The following FAAH2 variants were observed in gnomAD, a reference collection of about 807,000 sequenced individuals.
FAAH2 encodes the protein fatty-acid amide hydrolase 2.
Under a neutral mutation model 36.9 loss-of-function variants are expected in FAAH2, and 60 were observed. The observed-to-expected ratio is 1.63, with a 90% confidence interval of 1.32 to 2.02. FAAH2 has a LOEUF of 2.02. FAAH2 is among the 30% of genes most tolerant of loss of function. FAAH2 has a pLI of 0.00. For missense variants in FAAH2, 689 were observed against 397.5 expected (o/e 1.73, Z -6.23); for synonymous variants, 214 against 143.8 (o/e 1.49, Z -3.49).
chrX:57,479,600 T>G (rs1233747514), intron 10 of FAAH2, among the ~76,000 whole-genome samples: 2 of 111,585 alleles, frequency 1.8e-5, no homozygotes, highest in African/African-American at 3.3e-5. Context: ...AGTTTTTGCC[T>G]ATTTAGTATA....
intron 3 of FAAH2, among the ~76,000 whole-genome samples, chrX:57,324,646 G>A (rs755265969): frequency 1.8e-5 from 2 of 111,784 alleles, no homozygotes; most frequent in East Asian, 5.6e-4. Context: ...CTGTTTTTCT[G>A]TTATTGGTGT....
chrX:57,293,561 G>A (rs376285990), intron 2 of FAAH2, among the ~76,000 whole-genome samples: 1 of 111,822 alleles, frequency 8.9e-6, no homozygotes, highest in East Asian at 2.8e-4. Context: ...GTTTCAGGAG[G>A]TCCTGACTTG....
rs768091862 is a variant in FAAH2, at chrX:57,393,264, G to A, written c.996+12235G>A. 656 of 1,161,203 alleles carry A rather than the reference G, an allele frequency of 5.6e-4. 1 individual carries two copies. The highest frequency in any genetic ancestry group is 6.3e-4 in the Non-Finnish European group (534 of 851,870). On this transcript the variant is annotated intron_variant, in intron 7 of 10. Coordinates refer to ENST00000374900, the MANE Select transcript of FAAH2 (RefSeq NM_174912.4). Reference sequence around the variant, plus strand: ...CTGAAGCCTTTTTCAACCAGCTCCAGGTTCTCCTCTATGTAAGCCTTGGGA... The same window carrying A: ...CTGAAGCCTTTTTCAACCAGCTCCAAGTTCTCCTCTATGTAAGCCTTGGGA...
At chrX:57,232,257 TG>T in the FAAH2 span, among the ~76,000 whole-genome samples, 1 of 90,282 alleles carries the variant, frequency 1.1e-5, no homozygotes, top group East Asian at 3.4e-4. Context: ...GTGTAGATCA[TG>T]AAGATTCCTG....
intron 10 of FAAH2, among the ~76,000 whole-genome samples, chrX:57,453,730 C>T (rs1022494213): frequency 4.5e-5 from 5 of 111,972 alleles, no homozygotes; most frequent in Non-Finnish European, 7.5e-5. Context: ...CTTCTTGAAC[C>T]CCCGGAAAGC....
At chrX:57,249,613 C>G in the FAAH2 span, among the ~76,000 whole-genome samples, 14 of 111,782 alleles carry the variant, frequency 1.3e-4, no homozygotes, top group Non-Finnish European at 1.9e-4. Flanking sequence ...GGTGAACTAC[C>G]CTGACCTTCT....
the FAAH2 span, among the ~76,000 whole-genome samples, chrX:57,171,482 A>G: frequency 3.6e-5 from 4 of 111,163 alleles, no homozygotes; most frequent in African/African-American, 1.3e-4. Flanking sequence ...TCTCATTTTC[A>G]TTTTAATTTT....
chrX:57,134,835 G>T, the FAAH2 span: 1 of 111,345 alleles, frequency 9.0e-6, no homozygotes, highest in Non-Finnish European at 1.9e-5. Flanking sequence ...GTTTCTGCTG[G>T]ACAAGTGTGT....
chrX:57,290,179 C>G, intron 1 of FAAH2: 2 of 614,495 alleles, frequency 3.3e-6, no homozygotes, highest in Non-Finnish European at 3.9e-6. Context: ...GTCATGTTAA[C>G]TTCTACCTCT....
chrX:57,332,224 A>G (rs1452712436), intron 4 of FAAH2, among the ~76,000 whole-genome samples: 2 of 112,448 alleles, frequency 1.8e-5, no homozygotes, highest in Non-Finnish European at 3.7e-5. Context: ...TTCTTTTAAT[A>G]TATGACCTTG....
At chrX:57,288,508 C>G (rs947701940) in intron 1 of FAAH2, among the ~76,000 whole-genome samples, 1 of 108,078 alleles carries the variant, frequency 9.3e-6, no homozygotes, top group Admixed American at 9.9e-5. Context: ...CGCCACCATG[C>G]CCGGCTAATA....
rs766429868 is a variant in FAAH2 at position 57,331,642 on chromosome X, G to T, written c.457G>T (p.Ala153Ser). 2.5e-6 allele frequency: 3 copies of T among 1,209,818 alleles called. No homozygotes were observed. The African/African-American group carries it at 5.3e-5, about 21-fold the overall frequency. Residue 153 changes from alanine to serine, a missense_variant, in exon 4 of 11, where the codon GCC becomes TCC. Ala to Ser is a moderately conservative substitution (Grantham distance 99). Coordinates refer to ENST00000374900, the MANE Select transcript of FAAH2 (RefSeq NM_174912.4). ...ACTCATGAACCGTCGTGATGCCATT[G>T]CCAAAACAGATGCCACTGTGGTGGC... is the stretch of plus-strand genomic sequence containing the variant. ...SGLMNRRDAIAKTDATVVALL... is the reference protein window; with the variant it reads ...SGLMNRRDAISKTDATVVALL...
the FAAH2 span, among the ~76,000 whole-genome samples, chrX:57,235,873 T>A: frequency 2.4e-4 from 20 of 82,421 alleles, no homozygotes; most frequent in Non-Finnish European, 2.5e-4. Context: ...TATTTACAGC[T>A]GCCTGAAAAT....
chrX:57,386,394 G>T (rs2055024107), intron 7 of FAAH2, among the ~76,000 whole-genome samples: 1 of 110,576 alleles, frequency 9.0e-6, no homozygotes, highest in East Asian at 2.8e-4. Context: ...CTATACCTTC[G>T]TTGCTTGGGT....
intron 7 of FAAH2, chrX:57,393,631 C>G (rs2055220788): frequency 2.1e-6 from 2 of 931,212 alleles, no homozygotes; most frequent in Non-Finnish European, 3.1e-6. Context: ...CACTCACCCC[C>G]AGATCTTCAG....
intron 5 of FAAH2, among the ~76,000 whole-genome samples, chrX:57,349,918 G>A (rs2042867089): frequency 9.1e-6 from 1 of 110,383 alleles, no homozygotes; most frequent in African/African-American, 3.3e-5. Flanking sequence ...GTGATCCAAA[G>A]AAATAGAATA....
chrX:57,289,263 A>G (rs1317475359), intron 1 of FAAH2, among the ~76,000 whole-genome samples: 2 of 110,953 alleles, frequency 1.8e-5, no homozygotes, highest in African/African-American at 3.3e-5. Context: ...CTTGATAACG[A>G]GCTCTGATTG....
the FAAH2 span, among the ~76,000 whole-genome samples, chrX:57,144,413 T>G: frequency 2.3e-4 from 25 of 110,115 alleles, 1 homozygote; most frequent in African/African-American, 7.9e-4. Context: ...TACCCTGATC[T>G]CTCTACATCC....
intron 2 of FAAH2, among the ~76,000 whole-genome samples, chrX:57,304,362 G>T (rs1232531388): frequency 1.8e-5 from 2 of 112,051 alleles, no homozygotes; most frequent in Admixed American, 1.9e-4. Flanking sequence ...AAGTCTTTTG[G>T]TATGTTAGCT....
Sources: allele counts gnomAD v4.1 joint callset (sites outside exome capture counted in the v4.1 genomes callset), GRCh38; gene constraint gnomAD v4.1.1; transcripts MANE v1.5; gene names NCBI Gene and HGNC (gene_info 2026-07-23, HGNC 2026-07-21).